KDM4C: variants seen among roughly 807,000 people sequenced by gnomAD.
KDM4C encodes lysine-specific demethylase 4C.
A neutral mutation model predicts 129.3 loss-of-function variants in KDM4C; 81 were observed. That is an observed-to-expected ratio of 0.63 (90% CI 0.52 to 0.75). The LOEUF is 0.75. Among genes scored for constraint, KDM4C ranks in the 30% least tolerant of loss-of-function variants. The pLI is 0.00. For synonymous variants in KDM4C, 573 were observed against 456.1 expected, an observed-to-expected ratio of 1.26 and a Z score of -3.26; for missense variants, 1,457 against 1,304.0, an observed-to-expected ratio of 1.12 and a Z score of -1.81.
At chr9:7,163,910 A>C (rs988578568) in intron 19 of KDM4C, among the ~76,000 whole-genome samples, 1 of 152,232 alleles carries the variant, frequency 6.6e-6, no homozygotes, top group East Asian at 1.9e-4. Context: ...CAATGGAAGC[A>C]TAGCCTGCAG....
intron 15 of KDM4C, among the ~76,000 whole-genome samples, chr9:7,018,225 A>G (rs531546243): frequency 8.5e-5 from 13 of 152,090 alleles, no homozygotes; most frequent in Non-Finnish European, 7.3e-5. Flanking sequence ...AGTGTAGGCA[A>G]TTTTAACACA....
chr9:6,859,439 C>T (rs1434936200), intron 5 of KDM4C, among the ~76,000 whole-genome samples: 17 of 139,876 alleles, frequency 1.2e-4, no homozygotes, highest in Non-Finnish European at 2.4e-4. Flanking sequence ...CACGCCACTG[C>T]ACTCCAGCCT....
At chr9:6,781,762 G>C (rs1373471657) in intron 1 of KDM4C, among the ~76,000 whole-genome samples, 1 of 152,006 alleles carries the variant, frequency 6.6e-6, no homozygotes, top group Non-Finnish European at 1.5e-5. Context: ...TGCGCTATGC[G>C]TGTCTGTGAA....
intron 17 of KDM4C, among the ~76,000 whole-genome samples, chr9:7,058,645 A>G (rs537481133): frequency 2.0e-5 from 3 of 152,330 alleles, no homozygotes; most frequent in African/African-American, 7.2e-5. Flanking sequence ...TTAAAAAAAA[A>G]GCCAGTTTCA....
intron 4 of KDM4C, among the ~76,000 whole-genome samples, chr9:6,848,746 C>G (rs1838311085): frequency 6.6e-6 from 1 of 152,146 alleles, no homozygotes; most frequent in South Asian, 2.1e-4. Context: ...ATAGTAGTGA[C>G]TCTAACCTTC....
At chr9:7,052,266 A>G (rs1830250776) in intron 17 of KDM4C, among the ~76,000 whole-genome samples, 1 of 152,228 alleles carries the variant, frequency 6.6e-6, no homozygotes. Flanking sequence ...TAACAATTTA[A>G]CATTACCTGT....
At chr9:7,117,092 G>C (rs1838983570) in intron 18 of KDM4C, among the ~76,000 whole-genome samples, 1 of 152,174 alleles carries the variant, frequency 6.6e-6, no homozygotes, top group Non-Finnish European at 1.5e-5. Flanking sequence ...TTTCAGAGAG[G>C]TTCAACAGTC....
At chr9:6,958,928 G>A (rs769383103) in intron 8 of KDM4C, among the ~76,000 whole-genome samples, 14 of 152,072 alleles carry the variant, frequency 9.2e-5, no homozygotes, top group Non-Finnish European at 1.3e-4. Flanking sequence ...GATTACAGGC[G>A]TGAGCCACCA....
intron 15 of KDM4C, among the ~76,000 whole-genome samples, chr9:7,046,651 AT>A (rs2132527065): frequency 6.6e-6 from 1 of 152,070 alleles, no homozygotes; most frequent in South Asian, 2.1e-4. Context: ...CTCTGGGAGA[AT>A]TTTATACCCT....
At chr9:7,033,675 T>C (rs1222522795) in intron 15 of KDM4C, among the ~76,000 whole-genome samples, 1 of 152,188 alleles carries the variant, frequency 6.6e-6, no homozygotes, top group Non-Finnish European at 1.5e-5. Flanking sequence ...TGCTCTGTAA[T>C]GGAGAGAAAT....
At position 6,904,469 on chromosome 9, in the gene KDM4C, G is replaced by C. The variant is rs900043578; in HGVS notation, c.921+11237G>C. On this transcript the variant is annotated intron_variant, in intron 8 of 21. Transcript: ENST00000381309. Reference sequence around the variant, plus strand: ...GTAGTACATAAGAGTTCATTGCACAGATCTTGTTAACAAATCAGAATGTTG... The same window carrying C: ...GTAGTACATAAGAGTTCATTGCACACATCTTGTTAACAAATCAGAATGTTG... Among the ~76,000 whole-genome samples the C allele has an allele frequency of 3.3e-5, 5 of 150,252 alleles. No homozygotes were observed. The Admixed American group carries it at 3.3e-4, about 10-fold the overall frequency.
At chr9:7,105,391 G>C (rs973577557) in intron 18 of KDM4C, 3 of 466,960 alleles carry the variant, frequency 6.4e-6, no homozygotes, top group Non-Finnish European at 1.3e-5. Flanking sequence ...ACCTCACCAT[G>C]TTGTTTTCAG....
chr9:6,945,110 C>T (rs1271071218), intron 8 of KDM4C, among the ~76,000 whole-genome samples: 2 of 152,124 alleles, frequency 1.3e-5, no homozygotes, highest in Non-Finnish European at 2.9e-5. Flanking sequence ...TACCTTCCAC[C>T]TCTTACTCAC....
At chr9:6,761,697 TTAG>T (rs2130445013) in intron 1 of KDM4C, among the ~76,000 whole-genome samples, 1 of 152,356 alleles carries the variant, frequency 6.6e-6, no homozygotes, top group South Asian at 2.1e-4. Context: ...TGCTCTATAT[TTAG>T]TGATAAGATA....
At chr9:7,114,863 T>G (rs1430023163) in intron 18 of KDM4C, among the ~76,000 whole-genome samples, 1 of 152,102 alleles carries the variant, frequency 6.6e-6, no homozygotes, top group Non-Finnish European at 1.5e-5. Flanking sequence ...CCCAGCACTT[T>G]GGGAGGCCGA....
intron 6 of KDM4C, among the ~76,000 whole-genome samples, chr9:6,882,494 ATTTTAAAAAACTGAAAAGGATTTAC>A (rs1181096990): frequency 1.3e-5 from 2 of 152,176 alleles, no homozygotes; most frequent in African/African-American, 4.8e-5. Context: ...AAATGCTATT[ATTTTAAAAAACTGAAAAGGATTTAC>A]TTTGAAAATT....
In KDM4C at chr9:7,131,793, G is replaced by T. The variant is rs114060994; in HGVS notation, c.2781+3557G>T. On this transcript the variant is annotated intron_variant, in intron 19 of 21. Coordinates refer to ENST00000381309, the MANE Select transcript of KDM4C (RefSeq NM_015061.6). ...TGTAATCAGGTTTGTTTCTGTCTCAGTATCTTGAAGATCGTGGCAGAATAA... is the reference window on the plus strand; with the variant it reads ...TGTAATCAGGTTTGTTTCTGTCTCATTATCTTGAAGATCGTGGCAGAATAA... Among the ~76,000 whole-genome samples, 348 of 152,308 alleles carry T rather than the reference G, an allele frequency of 2.3e-3. 2 individuals are homozygous for T. The highest frequency in any genetic ancestry group is 6.0e-3 in the Admixed American group (92 of 15,306).
chr9:6,792,151 GC>G (rs1384780648), intron 1 of KDM4C, among the ~76,000 whole-genome samples: 1 of 151,968 alleles, frequency 6.6e-6, no homozygotes, highest in East Asian at 2.0e-4. Flanking sequence ...GATCAGCCTG[GC>G]TAACATGGTG....
At chr9:6,958,667 A>G (rs865829372) in intron 8 of KDM4C, among the ~76,000 whole-genome samples, 2 of 145,294 alleles carry the variant, frequency 1.4e-5, no homozygotes, top group Non-Finnish European at 1.5e-5. Context: ...TTAAAAATAC[A>G]TTATGCCTTT....
Sources: allele counts gnomAD v4.1 joint callset (sites outside exome capture counted in the v4.1 genomes callset), GRCh38; gene constraint gnomAD v4.1.1; transcripts MANE v1.5; gene names NCBI Gene and HGNC (gene_info 2026-07-23, HGNC 2026-07-21).